Variants in PBRM1 observed in about 807,000 individuals in gnomAD.
PBRM1 encodes protein polybromo-1.
A neutral mutation model predicts 194.5 loss-of-function variants in PBRM1; 27 were observed. The ratio of observed to expected loss-of-function variants is 0.14; its 90% CI spans 0.10 to 0.19. PBRM1 has a LOEUF of 0.19. Among genes scored for constraint, PBRM1 ranks in the 10% least tolerant of loss-of-function variants. The pLI, the probability that PBRM1 is intolerant of heterozygous loss-of-function variation, is 1.00. For missense variants in PBRM1, 1,466 were observed against 2,077.2 expected (o/e 0.71, Z 5.72); for synonymous variants, 655 against 693.2 (o/e 0.94, Z 0.87).
chr3:52,684,868 T>TA (rs2097285591), intron 1 of PBRM1: 1 of 152,224 alleles, frequency 6.6e-6, no homozygotes, highest in Non-Finnish European at 1.5e-5. Context: ...CTTCAAAACA[T>TA]ATTTTCCAAT....
At chr3:52,603,391 C>A (rs191377844) in intron 17 of PBRM1, 130 bp downstream of exon 19, 1 of 879,222 alleles carries the variant, frequency 1.1e-6, no homozygotes, top group Non-Finnish European at 1.7e-6. Flanking sequence ...CATCTCATTG[C>A]GTCTACTCTA....
chr3:52,604,605 G>A (rs1290877930), intron 16 of PBRM1, among the ~76,000 whole-genome samples: 3 of 152,058 alleles, frequency 2.0e-5, no homozygotes, highest in Admixed American at 6.5e-5. Flanking sequence ...AGGCGGGAGG[G>A]TCACTTGAGC....
chr3:52,683,816 C>CA (rs534363136), upstream of PBRM1, among the ~76,000 whole-genome samples: 12 of 146,392 alleles, frequency 8.2e-5, no homozygotes, highest in South Asian at 8.7e-4. Context: ...AGACTGTCTC[C>CA]AAAAAAAACA....
intron 14 of PBRM1, among the ~76,000 whole-genome samples, chr3:52,615,939 A>ATC (rs986669653): frequency 1.3e-5 from 2 of 152,156 alleles, no homozygotes; most frequent in South Asian, 4.1e-4. Context: ...TTGCTTAGGG[A>ATC]TCTCTCTCTG....
At chr3:52,666,291 T>C (rs1417521245) in intron 3 of PBRM1, among the ~76,000 whole-genome samples, 2 of 152,060 alleles carry the variant, frequency 1.3e-5, no homozygotes, top group Non-Finnish European at 2.9e-5. Flanking sequence ...CCTGTAATCC[T>C]AGCACTTTTG....
intron 14 of PBRM1, among the ~76,000 whole-genome samples, 164 bp downstream of exon 16, chr3:52,617,098 T>G (rs1183019337): frequency 6.6e-6 from 1 of 152,200 alleles, no homozygotes; most frequent in African/African-American, 2.4e-5. Flanking sequence ...ATCTTTATAA[T>G]GTACTGCCTC....
At chr3:52,587,839 C>A (rs2092605093) in intron 18 of PBRM1, among the ~76,000 whole-genome samples, 2 of 151,880 alleles carry the variant, frequency 1.3e-5, no homozygotes, top group Non-Finnish European at 1.5e-5. Flanking sequence ...AAATAATACT[C>A]AAAAATAATA....
rs58430288 is a variant in PBRM1 at position 52,571,856 on chromosome 3, C to CAAAAAAAAAAA, written c.3691+4674_3691+4684dup. The stretch of plus-strand genomic sequence containing the variant: ...GAGCAAGAGGGATACCTCATCTCCC[C>CAAAAAAAAAAA]AAAAAAAAAAAAAAAAAAAAAAAAA... On this transcript the variant is annotated intron_variant, in intron 22 of 29. Transcript: ENST00000296302. 7.0e-3 allele frequency among the ~76,000 whole-genome samples: 260 copies of CAAAAAAAAAAA among 37,090 alleles called. 96 individuals carry two copies. Among genetic ancestry groups the CAAAAAAAAAAA allele is most frequent in the African/African-American group, 0.028 (245 of 8,724 alleles). The allele number at this position is 37,090 out of a possible 152,430, so 24.3% of individuals were successfully genotyped here. A position where few individuals can be genotyped will look rare whatever the true frequency, so the allele number is the denominator to read the frequency against.
intron 11 of PBRM1, among the ~76,000 whole-genome samples, chr3:52,631,475 T>C (rs2095616892): frequency 6.6e-6 from 1 of 152,214 alleles, no homozygotes; most frequent in African/African-American, 2.4e-5. Context: ...TAGTTTTACC[T>C]GCTTCTTGAC....
At chr3:52,623,441 G>A (rs558196076) in intron 13 of PBRM1, among the ~76,000 whole-genome samples, 4 of 152,254 alleles carry the variant, frequency 2.6e-5, no homozygotes, top group South Asian at 4.1e-4. Flanking sequence ...AAACCCAAAC[G>A]TTCTTTCTTT....
chr3:52,587,570 CTTTT>C (rs36056285), intron 18 of PBRM1, 60 bp from the exon 21 acceptor site: 75 of 731,290 alleles, frequency 1.0e-4, no homozygotes, highest in South Asian at 1.3e-4. Context: ...ACAGAAATCA[CTTTT>C]TTTTTTTTTT....
At chr3:52,657,318 TAAGA>T (rs1412772815) in intron 5 of PBRM1, among the ~76,000 whole-genome samples, 3 of 151,914 alleles carry the variant, frequency 2.0e-5, no homozygotes, top group African/African-American at 7.3e-5. Flanking sequence ...TTTACCACAA[TAAGA>T]AACAAATAAA....
chr3:52,581,522 A>C (rs1341623017), intron 20 of PBRM1, among the ~76,000 whole-genome samples: 1 of 151,876 alleles, frequency 6.6e-6, no homozygotes, highest in Non-Finnish European at 1.5e-5. Flanking sequence ...AAAAAGAATC[A>C]GAGAGGTTCC....
chr3:52,594,784 G>GC (rs762082124), intron 17 of PBRM1, among the ~76,000 whole-genome samples: 2 of 152,110 alleles, frequency 1.3e-5, no homozygotes, highest in Non-Finnish European at 2.9e-5. Flanking sequence ...AATTCCCTCA[G>GC]CATCTGCTTG....
intron 17 of PBRM1, among the ~76,000 whole-genome samples, chr3:52,600,263 T>C (rs886418728): frequency 6.6e-6 from 1 of 152,222 alleles, no homozygotes; most frequent in East Asian, 1.9e-4. Context: ...TAAATAGGTT[T>C]TTCAACCTTT....
intron 20 of PBRM1, among the ~76,000 whole-genome samples, chr3:52,579,869 A>G (rs1274858074): frequency 6.6e-6 from 1 of 152,162 alleles, no homozygotes; most frequent in Non-Finnish European, 1.5e-5. Flanking sequence ...ATGCATTACT[A>G]TAGTGTAAGG....
chr3:52,584,923 T>C (rs775961261), intron 20 of PBRM1, among the ~76,000 whole-genome samples: 7 of 151,884 alleles, frequency 4.6e-5, no homozygotes, highest in Non-Finnish European at 8.8e-5. Context: ...AAATATGAAT[T>C]TAAAAAAAAA....
At chr3:52,572,431 A>G (rs1376451198) in intron 22 of PBRM1, among the ~76,000 whole-genome samples, 1 of 152,066 alleles carries the variant, frequency 6.6e-6, no homozygotes, top group Admixed American at 6.6e-5. Context: ...GGAATCCAGT[A>G]GAGTGATCTC....
chr3:52,583,051 C>T (rs1307935623), intron 20 of PBRM1, among the ~76,000 whole-genome samples: 1 of 136,640 alleles, frequency 7.3e-6, no homozygotes, highest in Non-Finnish European at 1.5e-5. Context: ...GAGCTGAGAT[C>T]ACGCCAATGC....
Sources: allele counts gnomAD v4.1 joint callset (sites outside exome capture counted in the v4.1 genomes callset), GRCh38; gene constraint gnomAD v4.1.1; transcripts MANE v1.5; gene names NCBI Gene and HGNC (gene_info 2026-07-23, HGNC 2026-07-21).